Variants in BRD7 observed in about 807,000 individuals in gnomAD.
BRD7 encodes the protein bromodomain-containing protein 7.
BRD7 carries 15 observed loss-of-function variants against 82.1 expected under a neutral mutation model. That is an observed-to-expected ratio of 0.18 (90% CI 0.12 to 0.28). The LOEUF is 0.28. Among genes scored for constraint, BRD7 ranks in the 10% least tolerant of loss-of-function variants. The pLI is 1.00. For missense variants in BRD7, 638 were observed against 779.9 expected (o/e 0.82, Z 2.17); for synonymous variants, 232 against 266.9 (o/e 0.87, Z 1.27).
At position 50,368,081 on chromosome 16, in the gene BRD7, C is replaced by T; in HGVS notation, c.258+9G>A. The T allele has an allele frequency of 1.2e-6, 2 of 1,613,926 alleles. No individual in the cohort carries two copies. Among genetic ancestry groups the T allele is most frequent in the South Asian group, 2.2e-5 (2 of 91,078 alleles). On this transcript the variant is annotated intron_variant, in intron 2 of 16. Coordinates refer to ENST00000394688, the MANE Select transcript of BRD7 (RefSeq NM_013263.5). ...GTCCGCAAAGCCAAAGCAATGTAAC[C>T]ACTTGTACCTTAACTCTTCTCCGTT...
intron 3 of BRD7, 119 bp downstream of exon 3, chr16:50,354,674 A>G (rs1036152409): frequency 7.2e-7 from 1 of 1,397,070 alleles, no homozygotes; most frequent in Non-Finnish European, 9.7e-7. Context: ...AGTTTGAGAG[A>G]AAAAACTTAA....
In BRD7 at chr16:50,368,501, G is replaced by T. The variant is rs768351380; in HGVS notation, c.50-203C>A. The T allele has an allele frequency of 1.7e-3, 1,250 of 742,352 alleles. 4 individuals carry two copies. The highest frequency in any genetic ancestry group is 1.5e-3 in the Non-Finnish European group (687 of 473,348). The allele number at this position is 742,352 out of a possible 1,614,324, so 46.0% of individuals were successfully genotyped here. On this transcript the variant is annotated intron_variant, in intron 1 of 16. Coordinates refer to ENST00000394688, the MANE Select transcript of BRD7 (RefSeq NM_013263.5). ...GAACGCTCCCAGGCCTCCCGGGCCC[G>T]CCTCACGTCTCCCCACCAGAGACCC...
chr16:50,362,738 A>T (rs2038980007), intron 2 of BRD7, among the ~76,000 whole-genome samples: 1 of 152,232 alleles, frequency 6.6e-6, no homozygotes, highest in African/African-American at 2.4e-5. Context: ...AAGCAGTCAA[A>T]TTCACAGAGA....
intron 5 of BRD7, among the ~76,000 whole-genome samples, chr16:50,349,781 A>G (rs1181882299): frequency 2.6e-5 from 4 of 152,266 alleles, no homozygotes; most frequent in East Asian, 1.9e-4. Context: ...TGTGGAACAC[A>G]TATCAAACTC....
In BRD7 at chr16:50,318,411, A is replaced by G. The variant is rs577670921; in HGVS notation, c.*800T>C. 2 of 152,122 alleles carry G rather than the reference A, an allele frequency of 1.3e-5. No homozygotes were observed. The highest frequency in any genetic ancestry group is 6.5e-5 in the Admixed American group (1 of 15,292). The allele number at this position is 152,122 out of a possible 1,614,324, so 9.4% of individuals were successfully genotyped here. On this transcript the variant is annotated 3_prime_UTR_variant, in exon 17 of 17. Coordinates refer to ENST00000394688, the MANE Select transcript of BRD7 (RefSeq NM_013263.5). The stretch of plus-strand genomic sequence containing the variant: ...GTTCACTGAACAAGGCTATCTATCT[A>G]TCTATCTCCATCCTGATTTTTTTCC...
intron 11 of BRD7, among the ~76,000 whole-genome samples, chr16:50,323,992 C>T (rs113003131): frequency 1.2e-3 from 179 of 152,254 alleles, no homozygotes; most frequent in African/African-American, 4.0e-3. Flanking sequence ...GCAGTGATCA[C>T]CTTCACCTCA....
At chr16:50,337,256 C>T (rs1344534073) in intron 6 of BRD7, among the ~76,000 whole-genome samples, 23 of 93,248 alleles carry the variant, frequency 2.5e-4, no homozygotes, top group Non-Finnish European at 4.2e-4. Context: ...GTTCATTCTT[C>T]TTTTTTTTTT....
In BRD7 at chr16:50,325,768, A is replaced by G. The variant is rs778322635; in HGVS notation, c.1311T>C (p.Ser437=). ...CTCACCTGAAATCACTTGGAAGATC[A>G]GAGTCTTCCCCATAGGTTGAATAGA... ...DLIYSTYGED[S]DLPSDFSIHE... The change falls in exon 11 of 17, where the codon TCT becomes TCC. Residue 437 remains serine, a synonymous_variant. Coordinates refer to ENST00000394688, the MANE Select transcript of BRD7 (RefSeq NM_013263.5). 2.5e-5 allele frequency: 40 copies of G among 1,599,036 alleles called. No individual in the cohort carries two copies. The highest frequency in any genetic ancestry group is 3.1e-5 in the Non-Finnish European group (37 of 1,176,418).
At chr16:50,368,510 C>T (rs1210294510) in intron 1 of BRD7, 2 of 745,442 alleles carry the variant, frequency 2.7e-6, no homozygotes, top group African/African-American at 1.8e-5. Flanking sequence ...CGCCTCACGT[C>T]TCCCCACCAG....
chr16:50,320,720 T>C lies in BRD7; in HGVS notation c.1555A>G (p.Ile519Val), dbSNP rs756738060. The change falls in exon 14 of 17, where the codon ATA (isoleucine) becomes GTA (valine). Residue 519 changes from isoleucine (I) to valine (V), a missense_variant. By Grantham distance (29) the Ile-to-Val change is conservative. Around this residue, in one of 3 missense-constraint regions of BRD7, gnomAD observed 402 missense variants for 500.8 expected, o/e 0.80. Coordinates refer to ENST00000394688, the MANE Select transcript of BRD7 (RefSeq NM_013263.5). ...RLDSSTQDRL[I>V]ALKAVTNFGV... The stretch of plus-strand genomic sequence containing the variant: ...AAATTTGTTACTGCTTTCAGCGCTA[T>C]GAGCCTGTCTTGAGTACTGGAGTCC... 3 of 1,610,734 alleles carry C rather than the reference T, an allele frequency of 1.9e-6. No homozygotes were observed. The highest frequency in any genetic ancestry group is 1.3e-5 in the African/African-American group (1 of 74,860).
At chr16:50,342,742 A>G (rs2038121577) in intron 5 of BRD7, among the ~76,000 whole-genome samples, 1 of 152,108 alleles carries the variant, frequency 6.6e-6, no homozygotes, top group South Asian at 2.1e-4. Context: ...ATCTTATTTT[A>G]TTTTTAGGAA....
intron 8 of BRD7, among the ~76,000 whole-genome samples, chr16:50,330,314 CAAGTT>C (rs1374317033): frequency 1.3e-5 from 2 of 148,530 alleles, no homozygotes; most frequent in Non-Finnish European, 3.0e-5. Context: ...AATAAGGAAA[CAAGTT>C]AAGTTGAAAA....
intron 7 of BRD7, 140 bp downstream of exon 7, chr16:50,334,571 A>C: frequency 1.0e-6 from 1 of 955,106 alleles, no homozygotes; most frequent in Non-Finnish European, 1.6e-6. Context: ...CACACCATCA[A>C]AATGGACTTT....
In BRD7 at chr16:50,325,727, G is replaced by A. The variant is rs1555529376; in HGVS notation, c.1331+21C>T. The A allele has an allele frequency of 2.5e-6, 4 of 1,578,138 alleles. No individual in the cohort carries two copies. In the South Asian group the frequency reaches 3.5e-5, roughly 14 times the overall value. ...TAATGTTTTTAAACAAATGTAATCA[G>A]AATATTAACTGGAAACTCACCTGAA... On this transcript the variant is annotated intron_variant, in intron 11 of 16. Coordinates refer to ENST00000394688, the MANE Select transcript of BRD7 (RefSeq NM_013263.5).
chr16:50,320,590 G>A (rs1034922627), intron 14 of BRD7, 73 bp downstream of exon 14: 19 of 1,405,010 alleles, frequency 1.4e-5, no homozygotes, highest in Non-Finnish European at 1.9e-5. Flanking sequence ...ATGTTAATCT[G>A]TACTTATGAG....
At position 50,368,964 on chromosome 16, in the gene BRD7, G is replaced by A. The variant is rs922139536; in HGVS notation, c.-190C>T. The A allele has an allele frequency of 1.3e-4, 20 of 158,764 alleles. No individual in the cohort carries two copies. The highest frequency in any genetic ancestry group is 2.9e-4 in the African/African-American group (11 of 37,806). The allele number at this position is 158,764 out of a possible 1,614,324, so 9.8% of individuals were successfully genotyped here. On this transcript the variant is annotated 5_prime_UTR_variant, in exon 1 of 17. Transcript: ENST00000394688. ...AGACGGCGCGCGAGACCCGGCCGGA[G>A]CCCGAGAGCGGCGGCGGGGGGGGCG...
chr16:50,346,490 T>C (rs892263487), intron 5 of BRD7, among the ~76,000 whole-genome samples: 1 of 152,194 alleles, frequency 6.6e-6, no homozygotes, highest in African/African-American at 2.4e-5. Context: ...GAACTGGTTT[T>C]TTGAAAAGAT....
intron 12 of BRD7, 116 bp downstream of exon 12, chr16:50,323,471 T>C: frequency 1.1e-6 from 1 of 877,934 alleles, no homozygotes; most frequent in South Asian, 1.6e-5. Flanking sequence ...GGGCTGTCTT[T>C]CAGGGCCACA....
chr16:50,331,300 C>T (rs1392442349), intron 8 of BRD7, among the ~76,000 whole-genome samples: 1 of 152,192 alleles, frequency 6.6e-6, no homozygotes, highest in Non-Finnish European at 1.5e-5. Flanking sequence ...TTCACAGATT[C>T]AGAAAAAACT....
Sources: allele counts gnomAD v4.1 joint callset (sites outside exome capture counted in the v4.1 genomes callset), GRCh38; gene constraint gnomAD v4.1.1; regional missense constraint gnomAD v4.1.1; transcripts MANE v1.5; gene names NCBI Gene and HGNC (gene_info 2026-07-23, HGNC 2026-07-21).